The following OSBPL10 variants were observed in gnomAD, a reference collection of about 807,000 sequenced individuals.
OSBPL10 encodes oxysterol-binding protein-related protein 10.
In OSBPL10, 49 loss-of-function variants were observed where a neutral mutation model predicts 81.7. The observed-to-expected ratio is 0.60, with a 90% CI of 0.48 to 0.76. OSBPL10 has a LOEUF of 0.76. Among genes scored for constraint, OSBPL10 ranks in the 30% least tolerant of loss-of-function variants. The pLI, the probability that OSBPL10 is intolerant of heterozygous loss-of-function variation, is 0.00. For missense variants in OSBPL10, 923 were observed against 987.8 expected, an observed-to-expected ratio of 0.93 and a Z score of 0.88; for synonymous variants, 419 against 383.6, an observed-to-expected ratio of 1.09 and a Z score of -1.08.
intron 3 of OSBPL10, among the ~76,000 whole-genome samples, chr3:31,842,787 G>C (rs189377291): frequency 6.6e-6 from 1 of 152,248 alleles, no homozygotes; most frequent in African/African-American, 2.4e-5. Flanking sequence ...AAGTCTAACG[G>C]ATCAACTGGC....
chr3:31,724,200 C>G (rs1404901491), intron 6 of OSBPL10, among the ~76,000 whole-genome samples: 1 of 152,138 alleles, frequency 6.6e-6, no homozygotes, highest in Non-Finnish European at 1.5e-5. Flanking sequence ...TGCTTTAAGC[C>G]CTTTTCATTC....
chr3:31,969,775 A>G (rs1698499901), intron 1 of OSBPL10, among the ~76,000 whole-genome samples: 1 of 152,108 alleles, frequency 6.6e-6, no homozygotes, highest in South Asian at 2.1e-4. Flanking sequence ...GAATAGCTTG[A>G]ACCTGGGAGG....
At chr3:32,037,747 C>T (rs1212422055) in intron 2 of OSBPL10, 2 of 155,828 alleles carry the variant, frequency 1.3e-5, no homozygotes, top group African/African-American at 4.8e-5. Flanking sequence ...CCAGTTGTCT[C>T]TCAGCCTGAG....
chr3:32,033,013 A>G (rs1699486958), intron 2 of OSBPL10, among the ~76,000 whole-genome samples: 1 of 152,212 alleles, frequency 6.6e-6, no homozygotes, highest in South Asian at 2.1e-4. Flanking sequence ...CAGTAGTCAT[A>G]TTTAGGGGCT....
At chr3:31,864,799 C>G (rs1026614171) in intron 3 of OSBPL10, among the ~76,000 whole-genome samples, 1 of 152,080 alleles carries the variant, frequency 6.6e-6, no homozygotes, top group African/African-American at 2.4e-5. Flanking sequence ...GTGCCACTAA[C>G]GATTGTTCGA....
rs1695793812 is a variant in OSBPL10 at position 31,698,434 on chromosome 3, G to C, written c.1245+3925C>G. Among the ~76,000 whole-genome samples, 3 of 151,998 alleles carry C rather than the reference G, an allele frequency of 2.0e-5. No individual in the cohort carries two copies. In the South Asian group the frequency reaches 6.2e-4, roughly 32 times the overall value. On this transcript the variant is annotated intron_variant, in intron 7 of 11. Coordinates refer to ENST00000396556, the MANE Select transcript of OSBPL10 (RefSeq NM_017784.5). The stretch of plus-strand genomic sequence containing the variant: ...CCATTGTACTCCAGCCTGGGTGATA[G>C]AGCGAGACTCCATCTCAAAAATATA...
chr3:31,995,715 G>A (rs867344145), intron 2 of OSBPL10, among the ~76,000 whole-genome samples: 1 of 152,200 alleles, frequency 6.6e-6, no homozygotes, highest in East Asian at 1.9e-4. Context: ...TATTAGGGAA[G>A]TGATAAATGT....
chr3:31,858,299 C>T (rs1201811069), intron 3 of OSBPL10, among the ~76,000 whole-genome samples: 1 of 152,112 alleles, frequency 6.6e-6, no homozygotes, highest in African/African-American at 2.4e-5. Context: ...CTGTGCCCAG[C>T]CCCCTATGTT....
At chr3:31,876,837 A>T (rs1701485107) in intron 2 of OSBPL10, among the ~76,000 whole-genome samples, 1 of 152,294 alleles carries the variant, frequency 6.6e-6, no homozygotes, top group East Asian at 1.9e-4. Context: ...GAAAGCAGGC[A>T]AGGAACCACA....
chr3:32,039,092 G>A (rs968733266), intron 2 of OSBPL10, among the ~76,000 whole-genome samples: 95 of 151,976 alleles, frequency 6.3e-4, no homozygotes, highest in African/African-American at 2.3e-3. Flanking sequence ...TTGGGAGGTT[G>A]AGGCAGGTGG....
intron 3 of OSBPL10, among the ~76,000 whole-genome samples, chr3:31,842,478 G>A (rs1255745999): frequency 6.6e-6 from 1 of 152,178 alleles, no homozygotes; most frequent in African/African-American, 2.4e-5. Context: ...GGAAGACAGG[G>A]TGATCCTTAC....
At position 31,731,837 on chromosome 3, in the gene OSBPL10, T is replaced by C. The variant is rs539963844; in HGVS notation, c.1095+1420A>G. 5.3e-5 allele frequency among the ~76,000 whole-genome samples: 8 copies of C among 152,286 alleles called. No homozygotes were observed. In the East Asian group the frequency reaches 1.4e-3, roughly 26 times the overall value. ...ATCGTATGCTAATTTTTTTTGCCAA[T>C]GCTACTGACTGGTGAGGCAAAGTGG... On this transcript the variant is annotated intron_variant, in intron 6 of 11. Coordinates refer to ENST00000396556, the MANE Select transcript of OSBPL10 (RefSeq NM_017784.5).
At chr3:32,025,714 A>C (rs9823671) in intron 2 of OSBPL10, among the ~76,000 whole-genome samples, 1 of 152,154 alleles carries the variant, frequency 6.6e-6, no homozygotes, top group Non-Finnish European at 1.5e-5. Flanking sequence ...CCAGTAATTT[A>C]CATCTTCCTA....
chr3:31,857,999 GTTTTT>G (rs11290287), intron 3 of OSBPL10, among the ~76,000 whole-genome samples: 1 of 139,726 alleles, frequency 7.2e-6, no homozygotes, highest in African/African-American at 2.6e-5. Context: ...CACAGCCTGT[GTTTTT>G]TTTTTTTTTG....
intron 3 of OSBPL10, among the ~76,000 whole-genome samples, chr3:31,853,762 CAG>C (rs2125581871): frequency 6.6e-6 from 1 of 152,336 alleles, no homozygotes; most frequent in Admixed American, 6.5e-5. Context: ...TAACTTGAGA[CAG>C]AGCCTCTGCT....
chr3:31,823,000 G>A (rs1179546491), intron 4 of OSBPL10, among the ~76,000 whole-genome samples: 1 of 148,998 alleles, frequency 6.7e-6, no homozygotes, highest in Non-Finnish European at 1.5e-5. Flanking sequence ...AAATAACTGA[G>A]AGGATCAAAT....
At chr3:31,932,063 C>A (rs573308568) in intron 1 of OSBPL10, among the ~76,000 whole-genome samples, 4 of 151,730 alleles carry the variant, frequency 2.6e-5, no homozygotes, top group East Asian at 3.9e-4. Flanking sequence ...AATAAATAAT[C>A]TTTTTAAATG....
chr3:31,830,440 C>T (rs180703437), intron 3 of OSBPL10, among the ~76,000 whole-genome samples: 466 of 152,314 alleles, frequency 3.1e-3, no homozygotes, highest in Non-Finnish European at 5.3e-3. Context: ...GGTTTCATCT[C>T]CAATTGTGCT....
intron 3 of OSBPL10, among the ~76,000 whole-genome samples, chr3:31,832,353 ATACG>A (rs1035337474): frequency 2.0e-5 from 3 of 152,144 alleles, no homozygotes; most frequent in Admixed American, 6.5e-5. Flanking sequence ...ACTTTGAACT[ATACG>A]TATGTATTCC....
Sources: allele counts gnomAD v4.1 joint callset (sites outside exome capture counted in the v4.1 genomes callset), GRCh38; gene constraint gnomAD v4.1.1; transcripts MANE v1.5; gene names NCBI Gene and HGNC (gene_info 2026-07-23, HGNC 2026-07-21).